Variants in ANKRD11 observed in about 807,000 individuals in gnomAD.
The protein encoded by ANKRD11 is ankyrin repeat domain 11.
A neutral mutation model predicts 195.7 loss-of-function variants in ANKRD11; 17 were observed. The ratio of observed to expected loss-of-function variants is 0.09; its 90% CI spans 0.06 to 0.13. The LOEUF (loss-of-function observed/expected upper bound fraction) is 0.13, where lower values mean the gene tolerates loss of function less well. ANKRD11 is among the 10% of genes least tolerant of loss of function. The pLI, the probability that ANKRD11 is intolerant of heterozygous loss-of-function variation, is 1.00. For missense variants in ANKRD11, 3,735 were observed against 3,566.1 expected (o/e 1.05, Z -1.21); for synonymous variants, 1,953 against 1,528.1 (o/e 1.28, Z -6.49).
In ANKRD11 at chr16:89,431,711, C is replaced by G. The variant is rs140331950; in HGVS notation, c.-144-13343G>C. On this transcript the variant is annotated intron_variant, in intron 1 of 12. Transcript: ENST00000301030. Reference sequence around the variant, plus strand: ...TCTCACCTGCCTCTGGCTTTAACGACGTGCTGCTGAATCCCAGCTCTGCCA... The same window carrying G: ...TCTCACCTGCCTCTGGCTTTAACGAGGTGCTGCTGAATCCCAGCTCTGCCA... 5.9e-5 allele frequency among the ~76,000 whole-genome samples: 9 copies of G among 152,274 alleles called. No individual in the cohort carries two copies. The East Asian group carries it at 1.7e-3, about 29-fold the overall frequency.
At chr16:89,274,616 C>G (rs1366653071) in intron 11 of ANKRD11, 198 bp downstream of exon 11, 2 of 773,766 alleles carry the variant, frequency 2.6e-6, no homozygotes, top group Non-Finnish European at 4.2e-6. Context: ...GGGGAGCTGT[C>G]TGCTGTCTGC....
At chr16:89,269,940 A>G (rs1218722341) in intron 12 of ANKRD11, 3 of 152,188 alleles carry the variant, frequency 2.0e-5, no homozygotes, top group Non-Finnish European at 4.4e-5. Context: ...TTCTTACAGG[A>G]AAGTCTTCCA....
chr16:89,270,487 A>C, intron 12 of ANKRD11: 2 of 404,092 alleles, frequency 4.9e-6, no homozygotes, highest in Non-Finnish European at 4.7e-6. Flanking sequence ...CTTCCAGAGC[A>C]GTGGAGGGTG....
In ANKRD11 at chr16:89,282,335, C is replaced by T. The variant is rs542863039; in HGVS notation, c.4207G>A (p.Gly1403Arg). ...EKDFLEADAY[G>R]VSYNMKADIE... ...TCAGCTTTCATGTTGTAAGAAACTCCGTAAGCATCCGCCTCCAGGAAGTCC... is the reference window on the plus strand; with the variant it reads ...TCAGCTTTCATGTTGTAAGAAACTCTGTAAGCATCCGCCTCCAGGAAGTCC... Residue 1403 changes from glycine (G) to arginine (R), a missense_variant, in exon 9 of 13, where the codon GGA (glycine) becomes AGA (arginine). By Grantham distance (125) the Gly-to-Arg change is moderately radical. Coordinates refer to ENST00000301030, the MANE Select transcript of ANKRD11 (RefSeq NM_013275.6). The T allele has an allele frequency of 3.1e-6, 5 of 1,614,170 alleles. No individual in the cohort carries two copies. Among genetic ancestry groups the T allele is most frequent in the South Asian group, 2.2e-5 (2 of 91,080 alleles).
chr16:89,324,717 T>G, intron 2 of ANKRD11: 1 of 330,230 alleles, frequency 3.0e-6, no homozygotes, highest in Admixed American at 4.2e-5. Context: ...GCTTTTGGGT[T>G]CTTGGACCTA....
chr16:89,415,443 TTTAGTA>T (rs1293404601), intron 2 of ANKRD11, among the ~76,000 whole-genome samples: 1 of 150,660 alleles, frequency 6.6e-6, no homozygotes, highest in South Asian at 2.1e-4. Context: ...TTTTTGTATT[TTTAGTA>T]GAGACGGGGT....
chr16:89,368,373 T>G (rs550152686), intron 2 of ANKRD11, among the ~76,000 whole-genome samples: 109 of 6,308 alleles, frequency 0.017, no homozygotes, highest in South Asian at 0.065. Context: ...ATTTTTGTGT[T>G]TTTTTTTTTT....
chr16:89,278,112 AGTGG>A (rs959124783), intron 9 of ANKRD11: 103 of 240,068 alleles, frequency 4.3e-4, no homozygotes, highest in African/African-American at 2.3e-3. Flanking sequence ...GCACAGTGTG[AGTGG>A]AGTCGCGTGG....
intron 9 of ANKRD11, 141 bp downstream of exon 9, chr16:89,278,931 C>T (rs1419042304): frequency 7.4e-7 from 1 of 1,343,910 alleles, no homozygotes. Flanking sequence ...AGAAGTGGGG[C>T]TGTGTCTCCT....
At chr16:89,446,966 G>A (rs2043822110) in intron 1 of ANKRD11, among the ~76,000 whole-genome samples, 1 of 152,048 alleles carries the variant, frequency 6.6e-6, no homozygotes, top group South Asian at 2.1e-4. Context: ...TGCCTCACGG[G>A]CCAGGTCCTG....
At chr16:89,416,275 G>A (rs1017907383) in intron 2 of ANKRD11, among the ~76,000 whole-genome samples, 1 of 151,946 alleles carries the variant, frequency 6.6e-6, no homozygotes, top group African/African-American at 2.4e-5. Flanking sequence ...CCTTTAATCA[G>A]AGAAGCCTGT....
At chr16:89,277,050 T>C (rs1401679646) in intron 9 of ANKRD11, among the ~76,000 whole-genome samples, 14 of 73,000 alleles carry the variant, frequency 1.9e-4, no homozygotes, top group Non-Finnish European at 8.4e-5. Flanking sequence ...AGTGAGACTC[T>C]GTCTTAAAAA....
intron 1 of ANKRD11, among the ~76,000 whole-genome samples, chr16:89,451,080 A>T (rs1177048801): frequency 6.6e-6 from 1 of 152,192 alleles, no homozygotes; most frequent in Non-Finnish European, 1.5e-5. Context: ...TGGCAAAGTT[A>T]AGTAGTTTCA....
At chr16:89,347,044 C>A (rs1428428069) in intron 2 of ANKRD11, among the ~76,000 whole-genome samples, 1 of 152,098 alleles carries the variant, frequency 6.6e-6, no homozygotes, top group East Asian at 1.9e-4. Flanking sequence ...GAAGAGAAGG[C>A]TCTGCTGGGC....
At chr16:89,365,026 T>C (rs779588175) in intron 2 of ANKRD11, among the ~76,000 whole-genome samples, 3 of 152,248 alleles carry the variant, frequency 2.0e-5, no homozygotes, top group Admixed American at 6.5e-5. Context: ...GAGGATGCTA[T>C]GAATTCTGTT....
chr16:89,302,253 G>A (rs894466342), intron 4 of ANKRD11, among the ~76,000 whole-genome samples: 7 of 152,158 alleles, frequency 4.6e-5, no homozygotes, highest in Non-Finnish European at 8.8e-5. Context: ...AGTTGGACTC[G>A]CTACTATTTA....
At chr16:89,470,552 T>G (rs911718282) in intron 1 of ANKRD11, among the ~76,000 whole-genome samples, 2 of 151,970 alleles carry the variant, frequency 1.3e-5, no homozygotes, top group African/African-American at 4.8e-5. Flanking sequence ...CTCTAAGAAA[T>G]CTCATGAAAG....
intron 3 of ANKRD11, among the ~76,000 whole-genome samples, chr16:89,307,252 C>T (rs1297778776): frequency 1.3e-5 from 2 of 152,192 alleles, no homozygotes; most frequent in Admixed American, 6.5e-5. Context: ...CCCAACTGTT[C>T]CTGGGAGAAG....
intron 4 of ANKRD11, among the ~76,000 whole-genome samples, chr16:89,297,188 T>C (rs1248131175): frequency 6.6e-6 from 1 of 152,212 alleles, no homozygotes; most frequent in Non-Finnish European, 1.5e-5. Flanking sequence ...CTCTAATTTC[T>C]AGGCTTTTCT....
Sources: gnomAD v4.1 joint callset for allele counts (sites outside exome capture counted in the v4.1 genomes callset) on GRCh38, gnomAD v4.1.1 for gene constraint, MANE v1.5 for transcripts, NCBI Gene and HGNC (gene_info 2026-07-23, HGNC 2026-07-21) for gene names.